SAMM50: variants seen among roughly 807,000 people sequenced by gnomAD.
SAMM50 encodes sorting and assembly machinery component 50 homolog.
A neutral mutation model predicts 66.9 loss-of-function variants in SAMM50; 47 were observed. The observed-to-expected ratio is 0.70, with a 90% CI of 0.56 to 0.90. SAMM50 has a LOEUF of 0.90. Among genes scored for constraint, SAMM50 ranks in the 40% least tolerant of loss-of-function variants. SAMM50 has a pLI of 0.00. For synonymous variants in SAMM50, 191 were observed against 214.1 expected, an observed-to-expected ratio of 0.89 and a Z score of 0.94; for missense variants, 535 against 595.3, an observed-to-expected ratio of 0.90 and a Z score of 1.05.
At chr22:43,978,288 A>G (rs915226178) in intron 10 of SAMM50, among the ~76,000 whole-genome samples, 4 of 151,792 alleles carry the variant, frequency 2.6e-5, no homozygotes, top group African/African-American at 7.3e-5. Flanking sequence ...AAAAAAAATT[A>G]GCCGGGCGTG....
rs2050230328 is a variant in SAMM50 at position 43,976,120 on chromosome 22, C to G, written c.714C>G (p.Leu238=). ...GCGTATGGCGAGAACTGGGCTGCCTCTCAAGGACGGCGTCATTTGCTGTTC... is the reference window on the plus strand; with the variant it reads ...GCGTATGGCGAGAACTGGGCTGCCTGTCAAGGACGGCGTCATTTGCTGTTC... ...WEGVWRELGC[L]SRTASFAVRK... The change falls in exon 8 of 15, where the codon CTC becomes CTG. Residue 238 remains leucine, a synonymous_variant. Transcript: ENST00000350028. 4 of 1,612,242 alleles carry G rather than the reference C, an allele frequency of 2.5e-6. No individual in the cohort carries two copies. The highest frequency in any genetic ancestry group is 2.5e-6 in the Non-Finnish European group (3 of 1,178,326).
At chr22:43,982,515 ACAGTGACGGTGGGCACCC>A (rs1377588646) in intron 11 of SAMM50, among the ~76,000 whole-genome samples, 4 of 152,208 alleles carry the variant, frequency 2.6e-5, no homozygotes, top group Admixed American at 2.6e-4. Context: ...AGCCACCAAA[ACAGTGACGGTGGGCACCC>A]CAGAGCCTGG....
At chr22:43,990,029 T>A (rs2050314708) in intron 13 of SAMM50, among the ~76,000 whole-genome samples, 1 of 152,216 alleles carries the variant, frequency 6.6e-6, no homozygotes, top group Non-Finnish European at 1.5e-5. Context: ...GAACAGAATA[T>A]GCCAGGCCCA....
In SAMM50 at chr22:43,964,917, G is replaced by T. The variant is rs146991725; in HGVS notation, c.234+364G>T. Among the ~76,000 whole-genome samples, 887 of 152,270 alleles carry T rather than the reference G, an allele frequency of 5.8e-3. 5 individuals carry two copies. The highest frequency in any genetic ancestry group is 9.4e-3 in the Non-Finnish European group (636 of 68,016). ...GTGTACTCTCCCTTGCCAACCCCGT[G>T]GGGTGGGCGCTTATCTGGGACACAC... On this transcript the variant is annotated intron_variant, in intron 3 of 14. Transcript: ENST00000350028.
Position 43,984,135 on chromosome 22 carries a change from CT to C in SAMM50, c.1075+137del, listed in dbSNP as rs1188748141. Reference sequence around the variant, plus strand: ...GGTGGAATTAGCACCTAACACAGAACTTACCATGTAGCAGGTGTAGAACATT... The same window carrying C: ...GGTGGAATTAGCACCTAACACAGAACTACCATGTAGCAGGTGTAGAACATT... On this transcript the variant is annotated intron_variant, in intron 12 of 14. Transcript: ENST00000350028. 4.5e-6 allele frequency: 3 copies of C among 665,334 alleles called. No individual in the cohort carries two copies. The African/African-American group carries it at 5.6e-5, about 12-fold the overall frequency. The allele number at this position is 665,334 out of a possible 1,614,324, so 41.2% of individuals were successfully genotyped here.
At position 43,955,485 on chromosome 22, in the gene SAMM50, A is replaced by T; in HGVS notation, c.-93A>T. 1 of 1,447,986 alleles carries T rather than the reference A, an allele frequency of 6.9e-7. No individual in the cohort carries two copies. The allele number at this position is 1,447,986 out of a possible 1,614,324, so 89.7% of individuals were successfully genotyped here. A position where few individuals can be genotyped will look rare whatever the true frequency, so the allele number is the denominator to read the frequency against. Reference sequence around the variant, plus strand: ...GTTTGTGGGAGTTGCCTTGACCTGCAGCTCCGCCACCGCGGACCCGCCTTC... The same window carrying T: ...GTTTGTGGGAGTTGCCTTGACCTGCTGCTCCGCCACCGCGGACCCGCCTTC... On this transcript the variant is annotated 5_prime_UTR_variant, in exon 1 of 15. Coordinates refer to ENST00000350028, the MANE Select transcript of SAMM50 (RefSeq NM_015380.5).
chr22:43,963,230 A>AGT, intron 1 of SAMM50, 56 bp from the exon 2 acceptor site: 2 of 1,051,936 alleles, frequency 1.9e-6, no homozygotes, highest in South Asian at 1.5e-5. Context: ...CTCAAAGGTA[A>AGT]GTGTGTGTAT....
chr22:43,957,272 C>G (rs141977018), intron 1 of SAMM50: 18 of 656,436 alleles, frequency 2.7e-5, no homozygotes, highest in African/African-American at 2.4e-4. Flanking sequence ...ATGATTCGTG[C>G]CAAATTCTGA....
intron 1 of SAMM50, among the ~76,000 whole-genome samples, chr22:43,958,476 CTT>C (rs3083316): frequency 3.6e-5 from 4 of 112,578 alleles, no homozygotes; most frequent in South Asian, 3.1e-4. Flanking sequence ...TTATGGAGCT[CTT>C]TTTTTTTTTT....
intron 14 of SAMM50, 122 bp from the exon 15 acceptor site, chr22:43,996,216 G>C (rs1266235150): frequency 1.9e-6 from 2 of 1,064,798 alleles, no homozygotes; most frequent in Non-Finnish European, 2.9e-6. Flanking sequence ...AGCCAGGCAG[G>C]AAGGCAGCAG....
At position 43,990,346 on chromosome 22, in the gene SAMM50, G is replaced by A. The variant is rs1163863724; in HGVS notation, c.1304G>A (p.Gly435Asp). 1 of 1,614,022 alleles carries A rather than the reference G, an allele frequency of 6.2e-7. No homozygotes were observed. The highest frequency in any genetic ancestry group is 8.5e-7 in the Non-Finnish European group (1 of 1,180,034). Residue 435 changes from glycine (G) to aspartate (D), a missense_variant, in exon 14 of 15, where the codon GGC (glycine) becomes GAC (aspartate). Transcript: ENST00000350028. ...GGGGCCGGGATTGTCCTCAGGCTTG[G>A]CAACATCGCTCGGTTGGAACTTAAT... ...SYGAGIVLRL[G>D]NIARLELNYC...
intron 1 of SAMM50, among the ~76,000 whole-genome samples, chr22:43,959,878 C>T (rs1239530823): frequency 6.6e-6 from 1 of 151,838 alleles, no homozygotes; most frequent in African/African-American, 2.4e-5. Context: ...GGTATTAATC[C>T]TATAATGACT....
At chr22:43,978,701 GAGAA>G in intron 10 of SAMM50, among the ~76,000 whole-genome samples, 1 of 151,920 alleles carries the variant, frequency 6.6e-6, no homozygotes, top group Middle Eastern at 3.4e-3. Flanking sequence ...CAGGAGTGAG[GAGAA>G]AGTGACTGGA....
intron 11 of SAMM50, among the ~76,000 whole-genome samples, chr22:43,982,940 T>C (rs1353530089): frequency 6.6e-6 from 1 of 152,342 alleles, no homozygotes; most frequent in East Asian, 1.9e-4. Flanking sequence ...GTGGCCTGAT[T>C]GATCATTTCT....
intron 10 of SAMM50, among the ~76,000 whole-genome samples, chr22:43,979,131 T>C (rs899489292): frequency 1.3e-4 from 20 of 152,224 alleles, no homozygotes; most frequent in Non-Finnish European, 2.8e-4. Flanking sequence ...CTCAGTTTTC[T>C]CTTCTCAGGG....
rs1046151122 is a variant in SAMM50 at position 43,963,369 on chromosome 22, T to C, written c.105T>C (p.Ala35=). The C allele has an allele frequency of 1.2e-5, 20 of 1,611,482 alleles. No individual in the cohort carries two copies. The highest frequency in any genetic ancestry group is 1.7e-5 in the Non-Finnish European group (20 of 1,178,938). Residue 35 remains alanine, a synonymous_variant, in exon 2 of 15, where the codon GCT becomes GCC. Transcript: ENST00000350028. The part of the protein sequence containing the change: ...EAEFVEVEPE[A]KQEILENKDV... ...AATTTGTTGAAGTTGAGCCTGAAGC[T>C]AAACAGGAAATTCTTGAAAACAAAG...
chr22:43,965,661 A>G (rs1254063659), intron 3 of SAMM50, among the ~76,000 whole-genome samples: 1 of 152,170 alleles, frequency 6.6e-6, no homozygotes, highest in African/African-American at 2.4e-5. Context: ...CGTGGCTGAC[A>G]GTTTCCTAGA....
chr22:43,970,829 TAAATAAAAAATAAAGTA>T (rs1177623075), intron 4 of SAMM50, among the ~76,000 whole-genome samples: 2 of 151,246 alleles, frequency 1.3e-5, no homozygotes, highest in Non-Finnish European at 1.5e-5. Context: ...TAAAGTCCAC[TAAATAAAAAATAAAGTA>T]AAATAAAAAA....
chr22:43,973,718 C>T (rs558043382), intron 7 of SAMM50, among the ~76,000 whole-genome samples: 16 of 152,282 alleles, frequency 1.1e-4, no homozygotes, highest in African/African-American at 3.6e-4. Context: ...TCACTGCAAC[C>T]TCCGCCTCCC....
Sources: allele counts gnomAD v4.1 joint callset (sites outside exome capture counted in the v4.1 genomes callset), GRCh38; gene constraint gnomAD v4.1.1; transcripts MANE v1.5; gene names NCBI Gene and HGNC (gene_info 2026-07-23, HGNC 2026-07-21).